BAAT: variants seen among roughly 807,000 people sequenced by gnomAD.
BAAT encodes the protein bile acid-CoA:amino acid N-acyltransferase.
Under a neutral mutation model 18.9 loss-of-function variants are expected in BAAT, and 13 were observed. The ratio of observed to expected loss-of-function variants is 0.69; its 90% confidence interval spans 0.45 to 1.10. The LOEUF is 1.10. Among genes scored for constraint, BAAT ranks in the 50% least tolerant of loss-of-function variants. The probability of loss-of-function intolerance (pLI) is 0.00; values close to 1 mark genes in which losing one functional copy is unlikely to be tolerated. For synonymous variants in BAAT, 170 were observed against 190.7 expected (o/e 0.89, Z 0.89); for missense variants, 489 against 504.0 (o/e 0.97, Z 0.28).
chr9:101,384,596 T>G (rs922868434), intron 1 of BAAT, among the ~76,000 whole-genome samples: 7 of 152,186 alleles, frequency 4.6e-5, no homozygotes, highest in African/African-American at 1.7e-4. Context: ...CAGCAATTCT[T>G]CTTCTAGAGA....
At position 101,371,049 on chromosome 9, in the gene BAAT, G is replaced by A. The variant is rs769552173; in HGVS notation, c.356C>T (p.Ala119Val). 3.7e-6 allele frequency: 6 copies of A among 1,614,062 alleles called. No homozygotes were observed. Among genetic ancestry groups the A allele is most frequent in the Non-Finnish European group, 5.1e-6 (6 of 1,180,000 alleles). The change falls in exon 2 of 4, where the codon GCC becomes GTC. Residue 119 changes from alanine to valine, a missense_variant. Ala to Val is a moderately conservative substitution (Grantham distance 64, BLOSUM62 0). Transcript: ENST00000259407. ...AGTCAGGCTGGCCTTTGGAGCACTGGCAACTTTATTGTTCACTATTAACTC... is the reference window on the plus strand; with the variant it reads ...AGTCAGGCTGGCCTTTGGAGCACTGACAACTTTATTGTTCACTATTAACTC... ...DLELIVNNKV[A>V]SAPKASLTLE...
Position 101,368,193 on chromosome 9 carries a change from A to G in BAAT, c.596T>C (p.Leu199Pro). Residue 199 changes from leucine (L) to proline (P), a missense_variant, in exon 3 of 4, where the codon CTG (leucine) becomes CCG (proline). By Grantham distance (98) the Leu-to-Pro change is moderately conservative. Coordinates refer to ENST00000259407, the MANE Select transcript of BAAT (RefSeq NM_001701.4). Reference protein sequence around the residue: ...LALAYHNYEDLPRKPEVTDLE... With the variant: ...LALAYHNYEDPPRKPEVTDLE... ...ATCTGTTACTTCTGGTTTGCGGGGCAGGTCTTCATAGTTATGGTAAGCCAA... is the reference window on the plus strand; with the variant it reads ...ATCTGTTACTTCTGGTTTGCGGGGCGGGTCTTCATAGTTATGGTAAGCCAA... 2 of 1,564,694 alleles carry G rather than the reference A, an allele frequency of 1.3e-6. No individual in the cohort carries two copies. The highest frequency in any genetic ancestry group is 8.7e-7 in the Non-Finnish European group (1 of 1,150,394).
chr9:101,373,198 A>C (rs781197782), intron 1 of BAAT, among the ~76,000 whole-genome samples: 3 of 152,186 alleles, frequency 2.0e-5, no homozygotes, highest in Non-Finnish European at 4.4e-5. Context: ...CCAATCTAGA[A>C]TGCATTGTTT....
chr9:101,360,527 T>C lies in BAAT; in HGVS notation c.*1901A>G, dbSNP rs1030090285. Reference sequence around the variant, plus strand: ...GGAGGCCTCAGGAAGTTTACAATCATGGCAGCAGGTGAACAGCGAGGAGGC... The same window carrying C: ...GGAGGCCTCAGGAAGTTTACAATCACGGCAGCAGGTGAACAGCGAGGAGGC... On this transcript the variant is annotated 3_prime_UTR_variant, in exon 4 of 4. Transcript: ENST00000259407. 2.0e-5 allele frequency: 3 copies of C among 152,390 alleles called. No individual in the cohort carries two copies. The highest frequency in any genetic ancestry group is 4.8e-5 in the African/African-American group (2 of 41,560). 9.4% of individuals were successfully genotyped at this position (152,390 alleles called of 1,614,324 possible). A position where few individuals can be genotyped will look rare whatever the true frequency, so the allele number is the denominator to read the frequency against.
At chr9:101,370,044 A>G (rs996828070) in intron 2 of BAAT, among the ~76,000 whole-genome samples, 4 of 152,142 alleles carry the variant, frequency 2.6e-5, no homozygotes, top group African/African-American at 9.7e-5. Context: ...ATTTGCTGCA[A>G]TCTTTCAGTC....
chr9:101,362,642 C>T lies in BAAT; in HGVS notation c.1043G>A (p.Gly348Glu), dbSNP rs1829750435. ...EQAIGQLKRH[G>E]KNNWTLLSYP... is the part of the protein sequence containing the mutation. ...AGATAGCAGGGTCCAGTTGTTCTTC[C>T]CATGTCTCTTCAGCTGTCCTATGGC... Residue 348 changes from glycine (G) to glutamate (E), a missense_variant, in exon 4 of 4, where the codon GGG (glycine) becomes GAG (glutamate). Transcript: ENST00000259407. The T allele has an allele frequency of 6.2e-7, 1 of 1,614,108 alleles. No homozygotes were observed. The highest frequency in any genetic ancestry group is 1.3e-5 in the African/African-American group (1 of 75,014).
At chr9:101,378,235 T>C (rs1045196459) in intron 1 of BAAT, among the ~76,000 whole-genome samples, 2 of 152,022 alleles carry the variant, frequency 1.3e-5, no homozygotes, top group East Asian at 3.9e-4. Context: ...CTACTTTAAA[T>C]TTCATATGGA....
In BAAT at chr9:101,362,268, A is replaced by T. The variant is rs139712344; in HGVS notation, c.*160T>A. On this transcript the variant is annotated 3_prime_UTR_variant, in exon 4 of 4. Coordinates refer to ENST00000259407, the MANE Select transcript of BAAT (RefSeq NM_001701.4). ...CAGTTTGGTTAGCTTGTTATGCAGT[A>T]TAAGTGAAATATCAGGTTTTTACCC... is the stretch of plus-strand genomic sequence containing the variant. 15 of 734,156 alleles carry T rather than the reference A, an allele frequency of 2.0e-5. No homozygotes were observed. In the East Asian group the frequency reaches 3.8e-4, roughly 18 times the overall value. 45.5% of individuals were successfully genotyped at this position (734,156 alleles called of 1,614,324 possible). A position where few individuals can be genotyped will look rare whatever the true frequency, so the allele number is the denominator to read the frequency against.
At position 101,370,938 on chromosome 9, in the gene BAAT, C is replaced by A; in HGVS notation, c.466+1G>T. On this transcript the variant is annotated splice_donor_variant, in intron 2 of 3. Transcript: ENST00000259407. LOFTEE classifies it high-confidence loss of function. Reference sequence around the variant, plus strand: ...ACAATAAGCAGAGTAATTCTACTCACCTGGAGGGAGAAAGAGAGCTCCTCG... The same window carrying A: ...ACAATAAGCAGAGTAATTCTACTCAACTGGAGGGAGAAAGAGAGCTCCTCG... 9 of 1,613,898 alleles carry A rather than the reference C, an allele frequency of 5.6e-6. No homozygotes were observed. The highest frequency in any genetic ancestry group is 1.3e-5 in the African/African-American group (1 of 75,026).
Position 101,361,509 on chromosome 9 carries a change from T to C in BAAT, c.*919A>G, listed in dbSNP as rs1829723510. The C allele has an allele frequency of 6.6e-6, 1 of 152,656 alleles. No individual in the cohort carries two copies. The highest frequency in any genetic ancestry group is 1.5e-5 in the Non-Finnish European group (1 of 68,040). 9.5% of individuals were successfully genotyped at this position (152,656 alleles called of 1,614,324 possible). On this transcript the variant is annotated 3_prime_UTR_variant, in exon 4 of 4. Transcript: ENST00000259407. ...ACTAAAGTATTTTTTATTTATGGGATGTACAGTAACTATTGGGTCTTACGG... is the reference window on the plus strand; with the variant it reads ...ACTAAAGTATTTTTTATTTATGGGACGTACAGTAACTATTGGGTCTTACGG...
chr9:101,369,502 G>T (rs541146033), intron 2 of BAAT, among the ~76,000 whole-genome samples: 1 of 152,058 alleles, frequency 6.6e-6, no homozygotes, highest in African/African-American at 2.4e-5. Flanking sequence ...TTGTTCCCCC[G>T]ATAGAAAACA....
chr9:101,377,520 T>A (rs1487665335), intron 1 of BAAT, among the ~76,000 whole-genome samples: 1 of 152,068 alleles, frequency 6.6e-6, no homozygotes, highest in Non-Finnish European at 1.5e-5. Context: ...AATATAAGGA[T>A]TGATAGGATT....
Position 101,368,358 on chromosome 9 carries a change from A to C in BAAT, c.467-36T>G, listed in dbSNP as rs776435352. ...ACAAAACAGAATTGTACATGAAGAG[A>C]AGGTGTGGAAAAGATAAGAAAACTT... On this transcript the variant is annotated intron_variant, in intron 2 of 3. Transcript: ENST00000259407. 9 of 1,584,526 alleles carry C rather than the reference A, an allele frequency of 5.7e-6. No individual in the cohort carries two copies. In the Admixed American group the frequency reaches 1.6e-4, roughly 27 times the overall value.
At chr9:101,371,578 T>C in intron 1 of BAAT, 115 bp from the exon 2 acceptor site, 1 of 691,020 alleles carries the variant, frequency 1.4e-6, no homozygotes, top group South Asian at 1.7e-5. Flanking sequence ...TCTAGTTCTT[T>C]AGAAACTTCC....
chr9:101,377,838 T>G (rs1395471051), intron 1 of BAAT, among the ~76,000 whole-genome samples: 1 of 152,176 alleles, frequency 6.6e-6, no homozygotes, highest in African/African-American at 2.4e-5. Flanking sequence ...GATGACATGA[T>G]TCTATATTTA....
At chr9:101,373,067 G>C (rs1285038347) in intron 1 of BAAT, among the ~76,000 whole-genome samples, 2 of 152,178 alleles carry the variant, frequency 1.3e-5, no homozygotes, top group Non-Finnish European at 2.9e-5. Context: ...AGAGTAGAGA[G>C]AGAATAGGGA....
At chr9:101,366,984 C>G (rs759921194) in intron 3 of BAAT, among the ~76,000 whole-genome samples, 3 of 151,558 alleles carry the variant, frequency 2.0e-5, no homozygotes, top group Non-Finnish European at 4.4e-5. Context: ...TGGTGGCACG[C>G]GCCTATAGTC....
At chr9:101,371,563 A>AAAG in intron 1 of BAAT, 100 bp from the exon 2 acceptor site, 1 of 752,906 alleles carries the variant, frequency 1.3e-6, no homozygotes, top group Non-Finnish European at 2.3e-6. Context: ...AGTCAGTTCT[A>AAAG]ACCCTCTAGT....
intron 1 of BAAT, among the ~76,000 whole-genome samples, chr9:101,377,087 CTA>C (rs1167054806): frequency 6.6e-6 from 1 of 152,132 alleles, no homozygotes; most frequent in African/African-American, 2.4e-5. Context: ...ATTAGCTTTA[CTA>C]TTGATAATAC....
Sources: gnomAD v4.1 joint callset for allele counts (sites outside exome capture counted in the v4.1 genomes callset) on GRCh38, gnomAD v4.1.1 for gene constraint, MANE v1.5 for transcripts, NCBI Gene and HGNC (gene_info 2026-07-23, HGNC 2026-07-21) for gene names.